Variants in DCT observed in about 807,000 individuals in gnomAD.
DCT encodes the protein dopachrome tautomerase, also known as L-dopachrome tautomerase.
In DCT, 47 loss-of-function variants were observed where a neutral mutation model predicts 53.0. The observed-to-expected ratio is 0.89, with a 90% CI of 0.70 to 1.13. The LOEUF is 1.13. Ranked by LOEUF, DCT falls within the 50% of genes most tolerant of loss-of-function variation. DCT has a pLI of 0.00. For missense variants in DCT, 669 were observed against 637.4 expected, an observed-to-expected ratio of 1.05 and a Z score of -0.53; for synonymous variants, 244 against 237.0, an observed-to-expected ratio of 1.03 and a Z score of -0.27.
chr13:94,476,319 C>A (rs575504290), intron 1 of DCT, among the ~76,000 whole-genome samples: 1 of 151,182 alleles, frequency 6.6e-6, no homozygotes, highest in African/African-American at 2.4e-5. Context: ...CTATCCCTAC[C>A]TAAAACAAAA....
chr13:94,524,310 T>C, the DCT span, among the ~76,000 whole-genome samples: 1 of 152,224 alleles, frequency 6.6e-6, no homozygotes, highest in African/African-American at 2.4e-5. Flanking sequence ...CTGACAAGGA[T>C]GCCAGGGAGC....
At chr13:94,505,235 T>C in the DCT span, among the ~76,000 whole-genome samples, 1 of 151,346 alleles carries the variant, frequency 6.6e-6, no homozygotes, top group Admixed American at 6.6e-5. Flanking sequence ...TTTATCATTA[T>C]CTTACTAGGT....
chr13:94,470,733 T>C (rs187682169), intron 1 of DCT, among the ~76,000 whole-genome samples: 2 of 152,326 alleles, frequency 1.3e-5, no homozygotes, highest in East Asian at 3.9e-4. Flanking sequence ...CCATTTCTCC[T>C]TTAAGCTTCA....
the DCT span, among the ~76,000 whole-genome samples, chr13:94,501,066 A>C: frequency 1.3e-5 from 2 of 152,086 alleles, no homozygotes; most frequent in Non-Finnish European, 2.9e-5. Flanking sequence ...GCAGATAGAG[A>C]CCATCCTGGC....
At chr13:94,468,387 A>C (rs1884370878) in intron 2 of DCT, 1 of 215,390 alleles carries the variant, frequency 4.6e-6, no homozygotes, top group Non-Finnish European at 9.4e-6. Context: ...AGAAAAGGTC[A>C]GAGAGGGCTT....
upstream of DCT, among the ~76,000 whole-genome samples, chr13:94,480,301 A>C (rs1454022337): frequency 6.6e-6 from 1 of 152,164 alleles, no homozygotes; most frequent in Non-Finnish European, 1.5e-5. Context: ...AATCTTTTTG[A>C]TTAGACTAAA....
the DCT span, among the ~76,000 whole-genome samples, chr13:94,523,072 G>C: frequency 0.015 from 2,346 of 152,278 alleles, 71 homozygotes; most frequent in African/African-American, 0.054. Flanking sequence ...GGGGCCTGGG[G>C]TCTCCAACCT....
At chr13:94,484,187 G>A (rs4773798), upstream of DCT, among the ~76,000 whole-genome samples, 30,666 of 151,994 alleles carry the variant, frequency 0.2, 3,625 homozygotes, top group Non-Finnish European at 0.27. Context: ...CTAATTTTGC[G>A]TCAAAGTAGA....
the DCT span, among the ~76,000 whole-genome samples, chr13:94,510,429 G>A: frequency 6.6e-6 from 1 of 152,182 alleles, no homozygotes; most frequent in Non-Finnish European, 1.5e-5. Context: ...AGTCCAAACT[G>A]AGGTGTGCTG....
At chr13:94,494,303 G>A in the DCT span, among the ~76,000 whole-genome samples, 1 of 152,132 alleles carries the variant, frequency 6.6e-6, no homozygotes, top group Admixed American at 6.5e-5. Context: ...CATTTTGATT[G>A]CTTTGTCACT....
chr13:94,504,913 C>T, the DCT span, among the ~76,000 whole-genome samples: 57,565 of 151,650 alleles, frequency 0.38, 11,386 homozygotes, highest in East Asian at 0.61. Flanking sequence ...CCTCCTACCT[C>T]TTCTCATTGG....
chr13:94,474,670 G>A (rs1884963749), intron 1 of DCT, among the ~76,000 whole-genome samples: 1 of 152,176 alleles, frequency 6.6e-6, no homozygotes, highest in Admixed American at 6.5e-5. Context: ...CTTATAAGGT[G>A]AATAGCAAAT....
intron 6 of DCT, chr13:94,444,517 A>G (rs936976168): frequency 1.1e-5 from 4 of 376,588 alleles, no homozygotes; most frequent in Non-Finnish European, 2.1e-5. Flanking sequence ...AGCAATTACT[A>G]TATGTTTTGA....
chr13:94,517,945 T>C, the DCT span, among the ~76,000 whole-genome samples: 6 of 152,030 alleles, frequency 3.9e-5, no homozygotes, highest in East Asian at 1.9e-4. Flanking sequence ...TTTCACCCCA[T>C]TGAAGATGAT....
At chr13:94,496,565 T>C in the DCT span, among the ~76,000 whole-genome samples, 1 of 152,138 alleles carries the variant, frequency 6.6e-6, no homozygotes, top group African/African-American at 2.4e-5. Context: ...TGTACAGACC[T>C]TGTTGATCTT....
At chr13:94,451,721 A>G (rs1208319173) in intron 6 of DCT, among the ~76,000 whole-genome samples, 3 of 152,220 alleles carry the variant, frequency 2.0e-5, no homozygotes, top group Non-Finnish European at 4.4e-5. Context: ...AGTGTCAGGT[A>G]CTGTTCTAGA....
chr13:94,487,053 A>C, the DCT span, among the ~76,000 whole-genome samples: 2 of 152,250 alleles, frequency 1.3e-5, no homozygotes, highest in African/African-American at 4.8e-5. Context: ...ATAAGCTAAG[A>C]AGATCTCAAA....
At chr13:94,460,871 T>C (rs1883737933) in intron 5 of DCT, among the ~76,000 whole-genome samples, 1 of 152,250 alleles carries the variant, frequency 6.6e-6, no homozygotes, top group Non-Finnish European at 1.5e-5. Context: ...AAAAAGGGGA[T>C]GGTAGATAGA....
At chr13:94,490,530 A>AAAAAAAAAAC in the DCT span, among the ~76,000 whole-genome samples, 1 of 148,156 alleles carries the variant, frequency 6.7e-6, no homozygotes, top group African/African-American at 2.5e-5. Context: ...AAAAAAAAAA[A>AAAAAAAAAAC]ACAACTAACC....
Sources: allele counts gnomAD v4.1 joint callset (sites outside exome capture counted in the v4.1 genomes callset), GRCh38; gene constraint gnomAD v4.1.1; transcripts MANE v1.5; gene names NCBI Gene and HGNC (gene_info 2026-07-23, HGNC 2026-07-21).